DOCK4: variants seen among roughly 807,000 people sequenced by gnomAD.
The protein encoded by DOCK4 is dedicator of cytokinesis protein 4.
DOCK4 carries 97 observed loss-of-function variants against 268.1 expected under a neutral mutation model. The ratio of observed to expected loss-of-function variants is 0.36; its 90% CI spans 0.31 to 0.43. DOCK4 has a LOEUF of 0.43. Ranked by LOEUF, DOCK4 falls within the 20% of genes least tolerant of loss-of-function variation. DOCK4 has a pLI of 1.00. For synonymous variants in DOCK4, 954 were observed against 887.2 expected (o/e 1.08, Z -1.34); for missense variants, 2,145 against 2,455.7 (o/e 0.87, Z 2.67).
chr7:111,948,893 T>C (rs1175412754), intron 8 of DOCK4, among the ~76,000 whole-genome samples: 1 of 150,856 alleles, frequency 6.6e-6, no homozygotes, highest in Admixed American at 6.6e-5. Context: ...TAGTTTTCTT[T>C]AACGAAACAT....
chr7:111,739,680 A>G (rs1795764579), intron 47 of DOCK4: 1 of 574,242 alleles, frequency 1.7e-6, no homozygotes, highest in East Asian at 3.0e-5. Flanking sequence ...CTGCCAAAGG[A>G]ATGCCTTCGT....
intron 13 of DOCK4, among the ~76,000 whole-genome samples, chr7:111,908,611 C>T (rs1057112622): frequency 2.0e-5 from 3 of 151,958 alleles, no homozygotes; most frequent in Non-Finnish European, 4.4e-5. Context: ...ATACATGTGC[C>T]ATGGTGGTTT....
chr7:111,838,345 T>C (rs1803401944), intron 25 of DOCK4, among the ~76,000 whole-genome samples: 1 of 152,170 alleles, frequency 6.6e-6, no homozygotes, highest in Admixed American at 6.6e-5. Context: ...AGTATGTTAC[T>C]GGTGTCAAAA....
chr7:111,797,866 C>A (rs1163375387), intron 30 of DOCK4, among the ~76,000 whole-genome samples: 1 of 152,020 alleles, frequency 6.6e-6, no homozygotes, highest in African/African-American at 2.4e-5. Flanking sequence ...ATGGCTCATT[C>A]TAAAAAACAA....
At chr7:111,745,683 T>TTAA (rs1554579453) in intron 44 of DOCK4, among the ~76,000 whole-genome samples, 1 of 49,612 alleles carries the variant, frequency 2.0e-5, no homozygotes, top group African/African-American at 9.1e-5. Context: ...GACTCCGTCT[T>TTAA]AAAAAAAAAA....
chr7:111,915,180 A>G (rs1457668452), intron 13 of DOCK4, among the ~76,000 whole-genome samples: 1 of 152,240 alleles, frequency 6.6e-6, no homozygotes, highest in Non-Finnish European at 1.5e-5. Context: ...CAAATGCATC[A>G]GCTTCAATGA....
chr7:111,864,436 A>C (rs1466581510), intron 22 of DOCK4, among the ~76,000 whole-genome samples: 2 of 152,172 alleles, frequency 1.3e-5, no homozygotes, highest in Non-Finnish European at 2.9e-5. Flanking sequence ...TCAGGGAAGG[A>C]GGCACGAGTT....
chr7:112,083,728 G>A (rs1038042492), intron 1 of DOCK4, among the ~76,000 whole-genome samples: 3 of 152,204 alleles, frequency 2.0e-5, no homozygotes, highest in Admixed American at 2.0e-4. Context: ...TGAAAAGTCA[G>A]AACTGATGGC....
chr7:111,791,538 C>T (rs898798019), intron 30 of DOCK4, among the ~76,000 whole-genome samples: 8 of 151,860 alleles, frequency 5.3e-5, no homozygotes, highest in African/African-American at 1.9e-4. Context: ...ACCTCTGCCT[C>T]CCAGGCTGAA....
chr7:111,927,602 A>C (rs1163289171), intron 12 of DOCK4, among the ~76,000 whole-genome samples: 1 of 152,216 alleles, frequency 6.6e-6, no homozygotes, highest in Non-Finnish European at 1.5e-5. Context: ...ACATTTCAAT[A>C]GCATATACTG....
Position 111,948,008 on chromosome 7 carries a change from G to A in DOCK4, c.702-2210C>T, listed in dbSNP as rs189921282. ...CTCCCAAAGTGCTGGGATTACAGGCGTGGGCTACCAGGCCTGGACTATTTC... is the reference window on the plus strand; with the variant it reads ...CTCCCAAAGTGCTGGGATTACAGGCATGGGCTACCAGGCCTGGACTATTTC... On this transcript the variant is annotated intron_variant, in intron 8 of 52. Transcript: ENST00000428084. Among the ~76,000 whole-genome samples, 4 of 152,236 alleles carry A rather than the reference G, an allele frequency of 2.6e-5. No homozygotes were observed. The East Asian group carries it at 7.7e-4, about 29-fold the overall frequency.
chr7:111,933,297 T>C (rs1028718925), intron 12 of DOCK4, among the ~76,000 whole-genome samples: 3 of 100,418 alleles, frequency 3.0e-5, no homozygotes, highest in African/African-American at 1.3e-4. Context: ...TATATATATA[T>C]ATTTTTTTTT....
intron 1 of DOCK4, among the ~76,000 whole-genome samples, chr7:112,070,847 T>C (rs1400891879): frequency 2.6e-5 from 4 of 152,220 alleles, no homozygotes; most frequent in Non-Finnish European, 4.4e-5. Flanking sequence ...CCCTGGAGCT[T>C]CATGAGTTTG....
At chr7:112,052,443 C>T (rs529539024) in intron 1 of DOCK4, among the ~76,000 whole-genome samples, 1 of 152,180 alleles carries the variant, frequency 6.6e-6, no homozygotes, top group East Asian at 1.9e-4. Flanking sequence ...AATATTCTTT[C>T]CTGTTTCCCC....
intron 16 of DOCK4, among the ~76,000 whole-genome samples, chr7:111,891,751 T>C (rs565000615): frequency 6.6e-6 from 1 of 152,374 alleles, no homozygotes; most frequent in South Asian, 2.1e-4. Flanking sequence ...TCTCCAATTC[T>C]GGGCTTTAAA....
At chr7:112,064,087 G>T (rs1318374825) in intron 1 of DOCK4, among the ~76,000 whole-genome samples, 1 of 152,270 alleles carries the variant, frequency 6.6e-6, no homozygotes, top group African/African-American at 2.4e-5. Flanking sequence ...CCAGGTTCAA[G>T]GCACCCATTT....
At chr7:111,735,932 G>GAGTT (rs1318768968) in intron 50 of DOCK4, among the ~76,000 whole-genome samples, 1 of 152,168 alleles carries the variant, frequency 6.6e-6, no homozygotes, top group East Asian at 1.9e-4. Flanking sequence ...TAATGGGATG[G>GAGTT]AGTTACCACT....
chr7:112,051,150 A>G (rs568779545), intron 1 of DOCK4, among the ~76,000 whole-genome samples: 1 of 152,252 alleles, frequency 6.6e-6, no homozygotes, highest in South Asian at 2.1e-4. Context: ...ACTAAAAAAT[A>G]CTGTGTTACT....
At position 112,159,285 on chromosome 7, in the gene DOCK4, C is replaced by T. The variant is rs138127953; in HGVS notation, c.37+46817G>A. ...TCACATCTGCATCTCTTCTTCCTCC[C>T]GCCCTCAACATCCCTGTTCAGGCCC... On this transcript the variant is annotated intron_variant, in intron 1 of 52. Transcript: ENST00000428084. Among the ~76,000 whole-genome samples, 452 of 152,128 alleles carry T rather than the reference C, an allele frequency of 3.0e-3. 2 individuals carry two copies. Among genetic ancestry groups the T allele is most frequent in the African/African-American group, 1.0e-2 (413 of 41,482 alleles).
Sources: allele counts gnomAD v4.1 joint callset (sites outside exome capture counted in the v4.1 genomes callset), GRCh38; gene constraint gnomAD v4.1.1; transcripts MANE v1.5; gene names NCBI Gene and HGNC (gene_info 2026-07-23, HGNC 2026-07-21).